The following MTUS2 variants were observed in gnomAD, a reference collection of about 807,000 sequenced individuals.
The protein encoded by MTUS2 is microtubule-associated tumor suppressor candidate 2.
MTUS2 carries 40 observed loss-of-function variants against 114.1 expected under a neutral mutation model. The ratio of observed to expected loss-of-function variants is 0.35; its 90% CI spans 0.27 to 0.46. MTUS2 has a LOEUF of 0.46. Ranked by LOEUF, MTUS2 falls within the 20% of genes least tolerant of loss-of-function variation. MTUS2 has a pLI of 1.00. For synonymous variants in MTUS2, 688 were observed against 672.0 expected (o/e 1.02, Z -0.37); for missense variants, 1,679 against 1,705.4 (o/e 0.98, Z 0.27).
chr13:29,104,096 A>G (rs1360452925), intron 5 of MTUS2, among the ~76,000 whole-genome samples: 1 of 152,096 alleles, frequency 6.6e-6, no homozygotes, highest in African/African-American at 2.4e-5. Flanking sequence ...GTCCGCATCC[A>G]CCCTGGGCTC....
At chr13:29,209,441 G>A (rs1195075708) in intron 5 of MTUS2, among the ~76,000 whole-genome samples, 1 of 150,648 alleles carries the variant, frequency 6.6e-6, no homozygotes, top group Non-Finnish European at 1.5e-5. Flanking sequence ...GTGTTGAGAT[G>A]TGAGGTACTA....
chr13:29,113,703 A>G (rs1421173917), intron 5 of MTUS2, among the ~76,000 whole-genome samples: 1 of 152,082 alleles, frequency 6.6e-6, no homozygotes, highest in African/African-American at 2.4e-5. Context: ...AATACTTCTT[A>G]CAGCAGCATC....
At chr13:29,060,358 G>A (rs1470049300) in intron 4 of MTUS2, among the ~76,000 whole-genome samples, 1 of 151,934 alleles carries the variant, frequency 6.6e-6, no homozygotes, top group African/African-American at 2.4e-5. Context: ...TCCTTGTGGA[G>A]AGTGTGAATC....
At chr13:29,282,603 C>A (rs1301893875) in intron 6 of MTUS2, among the ~76,000 whole-genome samples, 1 of 152,162 alleles carries the variant, frequency 6.6e-6, no homozygotes, top group African/African-American at 2.4e-5. Context: ...TTGTTCCTAG[C>A]TTTTCTTTTT....
intron 7 of MTUS2, among the ~76,000 whole-genome samples, chr13:29,349,147 A>T (rs535607029): frequency 1.4e-5 from 2 of 146,728 alleles, no homozygotes; most frequent in South Asian, 4.6e-4. Flanking sequence ...GTTTTTTATG[A>T]TTCCATTTAT....
In MTUS2 at chr13:29,130,460, A is replaced by G. The variant is rs75662666; in HGVS notation, c.2644+29490A>G. Among the ~76,000 whole-genome samples the G allele has an allele frequency of 6.5e-3, 989 of 152,170 alleles. 6 individuals carry two copies. Among genetic ancestry groups the G allele is most frequent in the Non-Finnish European group, 7.9e-3 (540 of 68,012 alleles). On this transcript the variant is annotated intron_variant, in intron 5 of 15. Coordinates refer to ENST00000612955, the MANE Select transcript of MTUS2 (RefSeq NM_001033602.4). ...TAATTCTTCCTTCTAGCCTTTGCCC[A>G]ATCTCACCTTCCCAGTGAGGCCTGC...
intron 6 of MTUS2, among the ~76,000 whole-genome samples, chr13:29,304,604 T>A (rs1899355136): frequency 6.6e-6 from 1 of 152,198 alleles, no homozygotes; most frequent in South Asian, 2.1e-4. Flanking sequence ...TAAATATATA[T>A]GCACCCAATA....
At chr13:29,245,205 AG>A (rs777127822) in intron 5 of MTUS2, among the ~76,000 whole-genome samples, 4 of 152,164 alleles carry the variant, frequency 2.6e-5, no homozygotes, top group Non-Finnish European at 2.9e-5. Flanking sequence ...TGAGACTCAA[AG>A]CAGGGGAGAA....
intron 2 of MTUS2, among the ~76,000 whole-genome samples, chr13:28,987,898 C>A (rs1884661269): frequency 6.6e-6 from 1 of 152,124 alleles, no homozygotes; most frequent in South Asian, 2.1e-4. Context: ...TACCACTGGG[C>A]CACTTTGGCA....
At chr13:29,416,971 TTA>T (rs1377767847) in intron 8 of MTUS2, among the ~76,000 whole-genome samples, 5 of 152,206 alleles carry the variant, frequency 3.3e-5, no homozygotes, top group Non-Finnish European at 7.3e-5. Context: ...AAAAGTTTTC[TTA>T]TATTATAGTT....
intron 5 of MTUS2, among the ~76,000 whole-genome samples, chr13:29,105,076 A>C (rs762331922): frequency 3.9e-5 from 6 of 152,222 alleles, no homozygotes; most frequent in Non-Finnish European, 7.3e-5. Flanking sequence ...TGCCCATGGG[A>C]AATAGTCACT....
intron 8 of MTUS2, among the ~76,000 whole-genome samples, chr13:29,385,834 T>C (rs1872597457): frequency 6.6e-6 from 1 of 152,200 alleles, no homozygotes; most frequent in African/African-American, 2.4e-5. Context: ...GGGAGAAAGA[T>C]ATGACTCATT....
chr13:29,039,048 C>T (rs1160635750), intron 4 of MTUS2, among the ~76,000 whole-genome samples: 2 of 152,216 alleles, frequency 1.3e-5, no homozygotes, highest in Non-Finnish European at 2.9e-5. Context: ...GACCATCTCT[C>T]TCTGGATGCT....
At chr13:29,158,349 T>TC (rs1566038117) in intron 5 of MTUS2, among the ~76,000 whole-genome samples, 1 of 10,402 alleles carries the variant, frequency 9.6e-5, no homozygotes, top group African/African-American at 3.9e-4. Flanking sequence ...CCAACCCCCG[T>TC]CCACCCCGCT....
intron 5 of MTUS2, among the ~76,000 whole-genome samples, chr13:29,220,172 T>G (rs998201688): frequency 3.9e-5 from 6 of 151,996 alleles, no homozygotes; most frequent in Admixed American, 6.6e-5. Flanking sequence ...ACTTTTTTGT[T>G]TTTTTTTAAG....
intron 5 of MTUS2, among the ~76,000 whole-genome samples, chr13:29,167,146 G>A (rs1273268105): frequency 5.3e-5 from 8 of 152,264 alleles, no homozygotes; most frequent in South Asian, 2.1e-4. Context: ...AGGCCTAGGC[G>A]GGCGGATCAC....
intron 5 of MTUS2, among the ~76,000 whole-genome samples, chr13:29,222,456 C>T (rs141928460): frequency 1.1e-3 from 169 of 152,266 alleles, no homozygotes; most frequent in African/African-American, 3.7e-3. Context: ...AATTATTCTT[C>T]GAGTTAATAG....
intron 3 of MTUS2, among the ~76,000 whole-genome samples, chr13:29,032,591 A>G (rs1207921527): frequency 6.6e-6 from 1 of 152,240 alleles, no homozygotes; most frequent in East Asian, 1.9e-4. Context: ...TGCTATAGCC[A>G]AGGACTATCT....
intron 7 of MTUS2, among the ~76,000 whole-genome samples, chr13:29,351,463 C>T (rs148863928): frequency 6.6e-6 from 1 of 152,180 alleles, no homozygotes; most frequent in South Asian, 2.1e-4. Flanking sequence ...TCTTTCTCCC[C>T]CTCTGGACAT....
Sources: gnomAD v4.1 joint callset for allele counts (sites outside exome capture counted in the v4.1 genomes callset) on GRCh38, gnomAD v4.1.1 for gene constraint, MANE v1.5 for transcripts, NCBI Gene and HGNC (gene_info 2026-07-23, HGNC 2026-07-21) for gene names.